Variants in ARHGDIG observed in about 807,000 individuals in gnomAD.
ARHGDIG encodes rho GDP-dissociation inhibitor 3.
ARHGDIG carries 14 observed loss-of-function variants against 20.2 expected under a neutral mutation model. That is an observed-to-expected ratio of 0.69 (90% CI 0.46 to 1.08). The LOEUF is 1.08. Among genes scored for constraint, ARHGDIG ranks in the 50% least tolerant of loss-of-function variants. The pLI, the probability that ARHGDIG is intolerant of heterozygous loss-of-function variation, is 0.00. For synonymous variants in ARHGDIG, 193 were observed against 138.6 expected (o/e 1.39, Z -2.76); for missense variants, 311 against 301.8 (o/e 1.03, Z -0.23).
rs1359434400 is a variant in ARHGDIG, at chr16:282,091, T to C, written c.320T>C (p.Val107Ala). 1 of 1,612,792 alleles carries C rather than the reference T, an allele frequency of 6.2e-7. No individual in the cohort carries two copies. Residue 107 changes from valine (V) to alanine (A), a missense_variant, in exon 3 of 6, where the codon GTC becomes GCC. Physicochemically the swap from Val to Ala is moderately conservative, Grantham distance 64. Coordinates refer to ENST00000219409, the MANE Select transcript of ARHGDIG (RefSeq NM_001176.4). ...TLLSEQAPGPVVMDLTGDLAV... is the reference protein window; with the variant it reads ...TLLSEQAPGPAVMDLTGDLAV... Reference sequence around the variant, plus strand: ...CTGTCGGAACAGGCTCCGGGGCCCGTCGTCATGGATCTCACAGGTAACTCG... The same window carrying C: ...CTGTCGGAACAGGCTCCGGGGCCCGCCGTCATGGATCTCACAGGTAACTCG...
At chr16:282,194 TCA>T in intron 3 of ARHGDIG, 86 bp downstream of exon 3, 2 of 1,605,196 alleles carry the variant, frequency 1.2e-6, no homozygotes, top group Non-Finnish European at 1.7e-6. Context: ...CCCTGGGCCA[TCA>T]CAGTCGCACA....
chr16:281,810 C>T lies in ARHGDIG; in HGVS notation c.138C>T (p.Pro46=), dbSNP rs759475334. 105 of 1,611,626 alleles carry T rather than the reference C, an allele frequency of 6.5e-5. No individual in the cohort carries two copies. The highest frequency in any genetic ancestry group is 1.5e-4 in the South Asian group (14 of 91,036). The part of the protein sequence containing the change: ...AVDEVLDEAV[P]EYRAPGRKSL... ...ACGAGGTGTTGGATGAGGCTGTGCC[C>T]GAGTACCGGGCGCCGGGGAGGAAGA... Residue 46 remains proline (P), a synonymous_variant, in exon 2 of 6, where the codon CCC becomes CCT. Transcript: ENST00000219409.
chr16:280,804 G>A lies in ARHGDIG; in HGVS notation c.73+51G>A, dbSNP rs2052275307. 11 of 1,202,980 alleles carry A rather than the reference G, an allele frequency of 9.1e-6. No individual in the cohort carries two copies. Among genetic ancestry groups the A allele is most frequent in the Non-Finnish European group, 1.2e-5 (11 of 956,258 alleles). 74.5% of individuals were successfully genotyped at this position (1,202,980 alleles called of 1,614,324 possible). ...GGCTCGGCTGGTCTCAGCCCCGGGC[G>A]GGGAGTAGCCCCTCCCCCGCGGCAA... On this transcript the variant is annotated intron_variant, in intron 1 of 5. Transcript: ENST00000219409. The surrounding 1 kb of genome is among the most constrained non-coding windows in gnomAD (Gnocchi z 6.6).
In ARHGDIG at chr16:281,824, C is replaced by T. The variant is rs755466026; in HGVS notation, c.152C>T (p.Pro51Leu). ...LDEAVPEYRA[P>L]GRKSLLEIRQ... ...GAGGCTGTGCCCGAGTACCGGGCGCCGGGGAGGAAGAGCCTCTTGGAGATC... is the reference window on the plus strand; with the variant it reads ...GAGGCTGTGCCCGAGTACCGGGCGCTGGGGAGGAAGAGCCTCTTGGAGATC... Residue 51 changes from proline (P) to leucine (L), a missense_variant, in exon 2 of 6, where the codon CCG (proline) becomes CTG (leucine). Coordinates refer to ENST00000219409, the MANE Select transcript of ARHGDIG (RefSeq NM_001176.4). 31 of 1,611,742 alleles carry T rather than the reference C, an allele frequency of 1.9e-5. No homozygotes were observed. Among genetic ancestry groups the T allele is most frequent in the Non-Finnish European group, 2.4e-5 (28 of 1,179,746 alleles).
chr16:281,679 C>G, intron 1 of ARHGDIG, 67 bp from the exon 2 acceptor site: 1 of 1,476,360 alleles, frequency 6.8e-7, no homozygotes, highest in Non-Finnish European at 9.0e-7. Context: ...CCAGAGGGGG[C>G]TCCAGCCTGG....
In ARHGDIG at chr16:281,894, G is replaced by A. The variant is rs2052289231; in HGVS notation, c.222G>A (p.Arg74=). Reference sequence around the variant, plus strand: ...ACAGGAGCCTGGCCAAGTACAAGCGGGTGCTGCTGGGGCCCCTGCCACCGG... The same window carrying A: ...ACAGGAGCCTGGCCAAGTACAAGCGAGTGCTGCTGGGGCCCCTGCCACCGG... ...PDDRSLAKYK[R]VLLGPLPPAV... is the part of the protein sequence containing the mutation. The change falls in exon 2 of 6, where the codon CGG becomes CGA. Residue 74 remains arginine (R), a synonymous_variant. Transcript: ENST00000219409. The A allele has an allele frequency of 6.2e-7, 1 of 1,608,290 alleles. No individual in the cohort carries two copies.
At chr16:282,558 C>CGGGGGGGGACGGGGG in intron 5 of ARHGDIG, 28 bp downstream of exon 5, 1 of 1,310,056 alleles carries the variant, frequency 7.6e-7, no homozygotes, top group Admixed American at 2.5e-5. Context: ...GGGAACGGGG[C>CGGGGGGGGACGGGGG]GGGGGGGGGA....
rs1188505342 is a variant in ARHGDIG, at chr16:280,697, C to G, written c.17C>G (p.Ala6Gly). 2.3e-5 allele frequency: 29 copies of G among 1,235,178 alleles called. No homozygotes were observed. The highest frequency in any genetic ancestry group is 2.6e-5 in the Non-Finnish European group (26 of 982,632). The allele number at this position is 1,235,178 out of a possible 1,614,324, so 76.5% of individuals were successfully genotyped here. The change falls in exon 1 of 6, where the codon GCG (alanine) becomes GGG (glycine). Residue 6 changes from alanine (A) to glycine (G), a missense_variant. Physicochemically the swap from Ala to Gly is moderately conservative, Grantham distance 60. Transcript: ENST00000219409. The surrounding 1 kb of genome is among the most constrained non-coding windows in gnomAD (Gnocchi z 6.6). ...CGCGCCGCCATGCTGGGCCTGGACGCGTGCGAGCTGGGGGCGCAGCTGCTG... is the reference window on the plus strand; with the variant it reads ...CGCGCCGCCATGCTGGGCCTGGACGGGTGCGAGCTGGGGGCGCAGCTGCTG... MLGLD[A>G]CELGAQLLEL...
chr16:282,586 G>A, intron 5 of ARHGDIG, 29 bp from the exon 6 acceptor site: 1 of 1,568,576 alleles, frequency 6.4e-7, no homozygotes, highest in South Asian at 1.2e-5. Context: ...GCAGACAGAG[G>A]ACAGCTCTGA....
chr16:282,652 G>A lies in ARHGDIG; in HGVS notation c.516G>A (p.Pro172=), dbSNP rs554911623. The A allele has an allele frequency of 1.6e-5, 25 of 1,598,286 alleles. No individual in the cohort carries two copies. The highest frequency in any genetic ancestry group is 2.3e-5 in the South Asian group (2 of 88,808). ...KTVYMVGSYG[P]SAQEYEFVTP... is the part of the protein sequence containing the mutation. ...TCTACATGGTGGGCAGCTATGGCCCGAGCGCCCAGGAGTATGAGTTTGTGA... is the reference window on the plus strand; with the variant it reads ...TCTACATGGTGGGCAGCTATGGCCCAAGCGCCCAGGAGTATGAGTTTGTGA... The change falls in exon 6 of 6, where the codon CCG becomes CCA. Residue 172 remains proline, a synonymous_variant. Coordinates refer to ENST00000219409, the MANE Select transcript of ARHGDIG (RefSeq NM_001176.4).
intron 5 of ARHGDIG, 28 bp downstream of exon 5, chr16:282,558 C>CGGGGGGGGGAAAGGGGGG: frequency 2.3e-6 from 3 of 1,310,064 alleles, no homozygotes; most frequent in South Asian, 2.8e-5. Context: ...GGGAACGGGG[C>CGGGGGGGGGAAAGGGGGG]GGGGGGGGGA....
chr16:282,390 T>C lies in ARHGDIG; in HGVS notation c.414+17T>C, dbSNP rs1772511846. The C allele has an allele frequency of 7.1e-7, 1 of 1,411,878 alleles. No individual in the cohort carries two copies. The highest frequency in any genetic ancestry group is 1.8e-5 in the Admixed American group (1 of 56,372). 87.5% of individuals were successfully genotyped at this position (1,411,878 alleles called of 1,614,324 possible). A position where few individuals can be genotyped will look rare whatever the true frequency, so the allele number is the denominator to read the frequency against. On this transcript the variant is annotated intron_variant, in intron 4 of 5. Coordinates refer to ENST00000219409, the MANE Select transcript of ARHGDIG (RefSeq NM_001176.4). ...TCCTTCAAGGTGAGAGCCGGGGCAA[T>C]GGGCGGAGGGGATGGGGGTGGGGGC...
At chr16:282,567 G>GAGGGGGGGGGGGGGGC in intron 5 of ARHGDIG, 37 bp downstream of exon 5, 1 of 957,398 alleles carries the variant, frequency 1.0e-6, no homozygotes, top group Non-Finnish European at 1.5e-6. Context: ...GCGGGGGGGG[G>GAGGGGGGGGGGGGGGC]AAGCGGGGGC....
In ARHGDIG at chr16:282,934, C is replaced by G; in HGVS notation, c.*120C>G. On this transcript the variant is annotated 3_prime_UTR_variant, in exon 6 of 6. Coordinates refer to ENST00000219409, the MANE Select transcript of ARHGDIG (RefSeq NM_001176.4). ...GCTGCCCCTGCTGCCCCTGCTGCCC[C>G]TGCTCTGTCCCGGGACCCCCTGGCC... 8.8e-7 allele frequency: 1 copy of G among 1,132,228 alleles called. No individual in the cohort carries two copies. Among genetic ancestry groups the G allele is most frequent in the Non-Finnish European group, 1.2e-6 (1 of 842,432 alleles). The allele number at this position is 1,132,228 out of a possible 1,614,324, so 70.1% of individuals were successfully genotyped here. A position where few individuals can be genotyped will look rare whatever the true frequency, so the allele number is the denominator to read the frequency against.
At chr16:282,413 G>A (rs893158466) in intron 4 of ARHGDIG, 40 bp downstream of exon 4, 6 of 1,611,954 alleles carry the variant, frequency 3.7e-6, no homozygotes, top group Middle Eastern at 1.7e-4. Context: ...TGGGGGTGGG[G>A]GCAACAGCCA....
Position 280,803 on chromosome 16 carries a change from CG to C in ARHGDIG, c.73+54del. ...GGGCTCGGCTGGTCTCAGCCCCGGG[CG>C]GGGAGTAGCCCCTCCCCCGCGGCAA... On this transcript the variant is annotated intron_variant, in intron 1 of 5. Coordinates refer to ENST00000219409, the MANE Select transcript of ARHGDIG (RefSeq NM_001176.4). The surrounding 1 kb of genome is among the most constrained non-coding windows in gnomAD (Gnocchi z 6.6). 8.3e-7 allele frequency: 1 copy of C among 1,199,170 alleles called. No homozygotes were observed. The allele number at this position is 1,199,170 out of a possible 1,614,324, so 74.3% of individuals were successfully genotyped here. A position where few individuals can be genotyped will look rare whatever the true frequency, so the allele number is the denominator to read the frequency against.
chr16:282,963 C>G lies in ARHGDIG; in HGVS notation c.*149C>G. 1 of 970,886 alleles carries G rather than the reference C, an allele frequency of 1.0e-6. No individual in the cohort carries two copies. The highest frequency in any genetic ancestry group is 1.5e-6 in the Non-Finnish European group (1 of 676,964). The allele number at this position is 970,886 out of a possible 1,614,324, so 60.1% of individuals were successfully genotyped here. A position where few individuals can be genotyped will look rare whatever the true frequency, so the allele number is the denominator to read the frequency against. On this transcript the variant is annotated 3_prime_UTR_variant, in exon 6 of 6. Transcript: ENST00000219409. The stretch of plus-strand genomic sequence containing the variant: ...TCTGTCCCGGGACCCCCTGGCCTGG[C>G]GCTGTCCCCTGAGCTGTCCCATTAA...
Position 280,705 on chromosome 16 carries a change from C to G in ARHGDIG, c.25C>G (p.Leu9Val). Residue 9 changes from leucine (L) to valine (V), a missense_variant, in exon 1 of 6, where the codon CTG (leucine) becomes GTG (valine). By Grantham distance (32) the Leu-to-Val change is conservative. Coordinates refer to ENST00000219409, the MANE Select transcript of ARHGDIG (RefSeq NM_001176.4). The surrounding 1 kb of genome is among the most constrained non-coding windows in gnomAD (Gnocchi z 6.6). ...CATGCTGGGCCTGGACGCGTGCGAG[C>G]TGGGGGCGCAGCTGCTGGAGCTGCT... MLGLDACE[L>V]GAQLLELLRL... 3 of 1,259,122 alleles carry G rather than the reference C, an allele frequency of 2.4e-6. 1 individual carries two copies. The South Asian group carries it at 6.2e-5, about 26-fold the overall frequency. The allele number at this position is 1,259,122 out of a possible 1,614,324, so 78.0% of individuals were successfully genotyped here. A position where few individuals can be genotyped will look rare whatever the true frequency, so the allele number is the denominator to read the frequency against.
chr16:281,595 C>G, intron 1 of ARHGDIG, 151 bp from the exon 2 acceptor site: 2 of 969,586 alleles, frequency 2.1e-6, no homozygotes, highest in East Asian at 2.7e-5. Flanking sequence ...CCGCCCTGCT[C>G]TCTCTGCTCG....
Sources: gnomAD v4.1 joint callset for allele counts on GRCh38, gnomAD v4.1.1 for gene constraint, Gnocchi (gnomAD v3.1) non-coding constraint, MANE v1.5 for transcripts, NCBI Gene and HGNC (gene_info 2026-07-23, HGNC 2026-07-21) for gene names.